The following RNLS variants were observed in gnomAD, a reference collection of about 807,000 sequenced individuals.
RNLS encodes the protein renalase, FAD dependent amine oxidase.
A neutral mutation model predicts 39.8 loss-of-function variants in RNLS; 39 were observed. The ratio of observed to expected loss-of-function variants is 0.98; its 90% CI spans 0.76 to 1.28. RNLS has a LOEUF of 1.28. Ranked by LOEUF, RNLS falls within the 50% of genes most tolerant of loss-of-function variation. The probability of loss-of-function intolerance (pLI) is 0.00; values close to 1 mark genes in which losing one functional copy is unlikely to be tolerated. For missense variants in RNLS, 410 were observed against 413.3 expected, an observed-to-expected ratio of 0.99 and a Z score of 0.07; for synonymous variants, 147 against 150.7, an observed-to-expected ratio of 0.98 and a Z score of 0.18.
chr10:88,502,240 T>G (rs1033354037), intron 4 of RNLS, among the ~76,000 whole-genome samples: 2 of 151,232 alleles, frequency 1.3e-5, no homozygotes, highest in African/African-American at 4.9e-5. Context: ...CCAAAACTCA[T>G]GTTGAAATTT....
At chr10:88,548,288 A>G (rs915427420) in intron 4 of RNLS, among the ~76,000 whole-genome samples, 2 of 139,430 alleles carry the variant, frequency 1.4e-5, no homozygotes, top group Non-Finnish European at 3.1e-5. Context: ...AAAAAAAAAA[A>G]AAAAAGAAAA....
chr10:88,561,781 T>C (rs890799297), intron 4 of RNLS, among the ~76,000 whole-genome samples: 9 of 152,120 alleles, frequency 5.9e-5, no homozygotes, highest in South Asian at 4.1e-4. Flanking sequence ...GTCTAGGAAA[T>C]ATATGTAGTA....
At chr10:88,244,085 T>C in the RNLS span, among the ~76,000 whole-genome samples, 2 of 152,216 alleles carry the variant, frequency 1.3e-5, no homozygotes, top group Admixed American at 6.5e-5. Flanking sequence ...CTTCTCTCAA[T>C]GCTCTTCGGG....
intron 5 of RNLS, among the ~76,000 whole-genome samples, chr10:88,326,512 AG>A (rs1846623382): frequency 6.6e-6 from 1 of 152,238 alleles, no homozygotes; most frequent in African/African-American, 2.4e-5. Flanking sequence ...ATTTGTAAGC[AG>A]CAAAGTGTTC....
intron 4 of RNLS, among the ~76,000 whole-genome samples, chr10:88,375,502 G>A (rs547897441): frequency 6.6e-4 from 100 of 152,224 alleles, no homozygotes; most frequent in South Asian, 5.8e-3. Flanking sequence ...TTGTATCAAT[G>A]ATAAACTTTT....
At chr10:88,573,604 A>T (rs1319860062) in intron 3 of RNLS, among the ~76,000 whole-genome samples, 1 of 152,200 alleles carries the variant, frequency 6.6e-6, no homozygotes, top group Non-Finnish European at 1.5e-5. Flanking sequence ...GCAAGTTCTC[A>T]TCAATAGATC....
intron 4 of RNLS, among the ~76,000 whole-genome samples, chr10:88,375,849 G>T (rs1365413248): frequency 1.3e-5 from 2 of 152,122 alleles, no homozygotes; most frequent in Non-Finnish European, 2.9e-5. Flanking sequence ...CATAAAATAT[G>T]GGATTGGAAG....
At chr10:88,206,443 G>A in the RNLS span, among the ~76,000 whole-genome samples, 1 of 152,126 alleles carries the variant, frequency 6.6e-6, no homozygotes, top group Non-Finnish European at 1.5e-5. Context: ...ATGCTATCCT[G>A]GAGAGCTGAT....
the RNLS span, among the ~76,000 whole-genome samples, chr10:88,181,609 C>T: frequency 6.6e-6 from 1 of 152,126 alleles, no homozygotes; most frequent in East Asian, 1.9e-4. Context: ...TGATGCACAT[C>T]TTTGACTATT....
intron 4 of RNLS, among the ~76,000 whole-genome samples, chr10:88,507,629 G>A (rs1432390410): frequency 1.3e-5 from 2 of 151,918 alleles, no homozygotes; most frequent in Non-Finnish European, 2.9e-5. Context: ...AATTGTAAAG[G>A]GCAAAATTCA....
At chr10:88,258,560 T>C in the RNLS span, among the ~76,000 whole-genome samples, 1 of 152,232 alleles carries the variant, frequency 6.6e-6, no homozygotes, top group Non-Finnish European at 1.5e-5. Flanking sequence ...TGTCTAATCA[T>C]GGCTGCTCCC....
intron 4 of RNLS, among the ~76,000 whole-genome samples, chr10:88,559,485 T>C (rs1849053083): frequency 6.6e-6 from 1 of 152,164 alleles, no homozygotes; most frequent in Admixed American, 6.6e-5. Context: ...TCTCTGGTTT[T>C]ATCTTCTAAA....
At chr10:88,321,413 C>A (rs1276106734) in intron 5 of RNLS, among the ~76,000 whole-genome samples, 1 of 151,786 alleles carries the variant, frequency 6.6e-6, no homozygotes, top group Non-Finnish European at 1.5e-5. Context: ...GAGAACAAAC[C>A]AAACCCAAAG....
chr10:88,362,683 T>G lies in RNLS; in HGVS notation c.569A>C (p.Tyr190Ser). The G allele has an allele frequency of 6.2e-7, 1 of 1,613,712 alleles. No individual in the cohort carries two copies. Among genetic ancestry groups the G allele is most frequent in the Non-Finnish European group, 8.5e-7 (1 of 1,179,874 alleles). Reference sequence around the variant, plus strand: ...GAGGCCCAGAGCATATCGAGAGGAGTAGCTCACAGCCTCCAGTTGCTGCCT... The same window carrying G: ...GAGGCCCAGAGCATATCGAGAGGAGGAGCTCACAGCCTCCAGTTGCTGCCT... ...CQRQQLEAVS[Y>S]SSRYALGLFY... The change falls in exon 5 of 7, where the codon TAC (tyrosine) becomes TCC (serine). Residue 190 changes from tyrosine (Y) to serine (S), a missense_variant. Tyr to Ser is a moderately radical substitution (Grantham distance 144). Coordinates refer to ENST00000331772, the MANE Select transcript of RNLS (RefSeq NM_001031709.3).
intron 4 of RNLS, among the ~76,000 whole-genome samples, chr10:88,388,565 T>C (rs1179733293): frequency 1.3e-5 from 2 of 152,158 alleles, no homozygotes; most frequent in African/African-American, 2.4e-5. Context: ...TTAAATATTT[T>C]GCTGGTCCCT....
At chr10:88,250,059 T>C in the RNLS span, among the ~76,000 whole-genome samples, 4 of 152,236 alleles carry the variant, frequency 2.6e-5, no homozygotes, top group African/African-American at 9.6e-5. Context: ...GTTTGCGCTA[T>C]TAAAGTTCCT....
intron 4 of RNLS, among the ~76,000 whole-genome samples, chr10:88,466,317 T>A (rs898666906): frequency 1.3e-5 from 2 of 152,004 alleles, no homozygotes; most frequent in African/African-American, 4.8e-5. Flanking sequence ...GTATAATAGC[T>A]CACACCTGCA....
At chr10:88,461,184 T>C (rs1352663939) in intron 4 of RNLS, among the ~76,000 whole-genome samples, 1 of 152,106 alleles carries the variant, frequency 6.6e-6, no homozygotes, top group Non-Finnish European at 1.5e-5. Flanking sequence ...GATACTGAAC[T>C]TCTAAACTCA....
chr10:88,438,623 A>G (rs1841542450), intron 4 of RNLS, among the ~76,000 whole-genome samples: 1 of 152,222 alleles, frequency 6.6e-6, no homozygotes, highest in Non-Finnish European at 1.5e-5. Flanking sequence ...CTCTCTCTCG[A>G]GAACCACAGA....
Sources: gnomAD v4.1 joint callset for allele counts (sites outside exome capture counted in the v4.1 genomes callset) on GRCh38, gnomAD v4.1.1 for gene constraint, MANE v1.5 for transcripts, NCBI Gene and HGNC (gene_info 2026-07-23, HGNC 2026-07-21) for gene names.